The following PARP8 variants were observed in gnomAD, a reference collection of about 807,000 sequenced individuals.
PARP8 encodes protein mono-ADP-ribosyltransferase PARP8.
In PARP8, 51 loss-of-function variants were observed where a neutral mutation model predicts 124.1. That is an observed-to-expected ratio of 0.41 (90% CI 0.33 to 0.52). PARP8 has a LOEUF of 0.52. Ranked by LOEUF, PARP8 falls within the 20% of genes least tolerant of loss-of-function variation. The pLI is 0.21. For synonymous variants in PARP8, 391 were observed against 361.5 expected (o/e 1.08, Z -0.93); for missense variants, 860 against 1,018.9 (o/e 0.84, Z 2.12).
chr5:50,712,987 C>T (rs1030023224), intron 2 of PARP8, among the ~76,000 whole-genome samples: 1 of 151,304 alleles, frequency 6.6e-6, no homozygotes, highest in Admixed American at 6.6e-5. Flanking sequence ...AAAATTTATT[C>T]AGTGTTTCTG....
At chr5:50,808,375 A>G (rs1580412218) in intron 14 of PARP8, among the ~76,000 whole-genome samples, 3 of 152,136 alleles carry the variant, frequency 2.0e-5, no homozygotes, top group Admixed American at 6.6e-5. Flanking sequence ...GAGTAGAGGA[A>G]AAAGTTACGT....
At chr5:50,769,673 TTATATTATATAAAA>T (rs1761409465) in intron 7 of PARP8, among the ~76,000 whole-genome samples, 1 of 151,224 alleles carries the variant, frequency 6.6e-6, no homozygotes, top group African/African-American at 2.4e-5. Flanking sequence ...AAATTATGCA[TTATATTATATAAAA>T]TATAATGCAA....
rs1469826836 is a variant in PARP8, at chr5:50,830,663, G to GAAT, written c.2233+702_2233+703insAAT. ...TAAATATAAAATAATTATGCTCATT[G>GAAT]TATAAATTCAAGCTACACAGAATTT... On this transcript the variant is annotated intron_variant, in intron 22 of 25. Transcript: ENST00000281631. Among the ~76,000 whole-genome samples the GAAT allele has an allele frequency of 1.0e-3, 154 of 152,252 alleles. 2 individuals carry two copies. The highest frequency in any genetic ancestry group is 3.7e-3 in the African/African-American group (153 of 41,540).
At chr5:50,739,000 C>T (rs1757753605) in intron 2 of PARP8, 2 of 702,408 alleles carry the variant, frequency 2.8e-6, no homozygotes, top group African/African-American at 1.7e-5. Context: ...GACTGGCTTC[C>T]CAGTGGGTGT....
intron 2 of PARP8, among the ~76,000 whole-genome samples, chr5:50,682,448 A>G (rs1751396276): frequency 6.7e-6 from 1 of 148,666 alleles, no homozygotes; most frequent in Non-Finnish European, 1.5e-5. Context: ...TTTTCAGTTC[A>G]TGTGCTAATA....
Position 50,795,872 on chromosome 5 carries a change from T to G in PARP8, c.1428+455T>G, listed in dbSNP as rs1291712819. 3.3e-5 allele frequency among the ~76,000 whole-genome samples: 5 copies of G among 152,328 alleles called. No individual in the cohort carries two copies. In the East Asian group the frequency reaches 9.6e-4, roughly 29 times the overall value. ...TATAAGAGCACTCTGCCCATGCATG[T>G]TTTTACCTGTGGAGAGAGGCAACAT... On this transcript the variant is annotated intron_variant, in intron 12 of 25. Transcript: ENST00000281631.
intron 2 of PARP8, among the ~76,000 whole-genome samples, chr5:50,706,076 A>C (rs1240850847): frequency 6.6e-6 from 1 of 152,172 alleles, no homozygotes; most frequent in Non-Finnish European, 1.5e-5. Flanking sequence ...AATTGGTTCT[A>C]TCAAATTCTA....
intron 14 of PARP8, among the ~76,000 whole-genome samples, chr5:50,813,715 A>G (rs1035865584): frequency 1.3e-5 from 2 of 152,122 alleles, no homozygotes; most frequent in African/African-American, 4.8e-5. Context: ...TCAGTATGAT[A>G]CTTGCTGTGG....
At chr5:50,682,733 T>TTATGAG (rs1751429444) in intron 2 of PARP8, among the ~76,000 whole-genome samples, 1 of 151,596 alleles carries the variant, frequency 6.6e-6, no homozygotes, top group Admixed American at 6.6e-5. Flanking sequence ...AGTAGTATCC[T>TTATGAG]TATGAGTACT....
Position 50,795,326 on chromosome 5 carries a change from A to C in PARP8, c.1337A>C (p.Lys446Thr). ...AAGTCATCCAAAACTGAGCTTTTCA[A>C]GGAACCTAACGCAGAGGGCAGGAGG... ...APKSSKTELF[K>T]EPNAEGRRLS... The change falls in exon 12 of 26, where the codon AAG becomes ACG. Residue 446 changes from lysine to threonine, a missense_variant. Physicochemically the swap from Lys to Thr is moderately conservative, Grantham distance 78. Transcript: ENST00000281631. The C allele has an allele frequency of 1.9e-6, 3 of 1,614,172 alleles. No individual in the cohort carries two copies. Among genetic ancestry groups the C allele is most frequent in the Non-Finnish European group, 2.5e-6 (3 of 1,180,028 alleles).
chr5:50,805,267 A>G (rs1342017224), intron 14 of PARP8, among the ~76,000 whole-genome samples: 1 of 152,138 alleles, frequency 6.6e-6, no homozygotes, highest in Non-Finnish European at 1.5e-5. Flanking sequence ...TATGAAAATA[A>G]TGATTGAGCT....
intron 2 of PARP8, among the ~76,000 whole-genome samples, chr5:50,724,801 C>G (rs971328100): frequency 6.6e-6 from 1 of 151,820 alleles, no homozygotes; most frequent in South Asian, 2.1e-4. Flanking sequence ...CACCTGTCAC[C>G]TAGGTAGTGT....
At chr5:50,836,464 C>CT (rs1747594418) in intron 25 of PARP8, among the ~76,000 whole-genome samples, 1 of 152,160 alleles carries the variant, frequency 6.6e-6, no homozygotes, top group African/African-American at 2.4e-5. Context: ...TAACCTGGAT[C>CT]TATTAGCACC....
intron 15 of PARP8, among the ~76,000 whole-genome samples, chr5:50,816,838 CCTT>C (rs1026818291): frequency 7.8e-4 from 118 of 152,026 alleles, no homozygotes; most frequent in African/African-American, 2.7e-3. Flanking sequence ...TCTTTTCCAT[CCTT>C]CTTTTTTAAA....
At chr5:50,753,817 A>C (rs1330197008) in intron 3 of PARP8, among the ~76,000 whole-genome samples, 2 of 151,904 alleles carry the variant, frequency 1.3e-5, no homozygotes, top group Non-Finnish European at 2.9e-5. Flanking sequence ...GACTTGACTT[A>C]AATGGTGCTG....
At position 50,844,709 on chromosome 5, in the gene PARP8, T is replaced by C. The variant is rs1350764485; in HGVS notation, c.*2641T>C. 6.6e-6 allele frequency: 1 copy of C among 151,776 alleles called. No homozygotes were observed. Among genetic ancestry groups the C allele is most frequent in the East Asian group, 1.9e-4 (1 of 5,170 alleles). 9.4% of individuals were successfully genotyped at this position (151,776 alleles called of 1,614,324 possible). On this transcript the variant is annotated 3_prime_UTR_variant, in exon 26 of 26. Coordinates refer to ENST00000281631, the MANE Select transcript of PARP8 (RefSeq NM_024615.4). ...AAAGGCAGTCATTTATTTTCATCCT[T>C]GAAGTAGGGGAAGAAAATTATTAAT...
chr5:50,793,426 C>T (rs1443813439), intron 10 of PARP8, among the ~76,000 whole-genome samples: 1 of 152,130 alleles, frequency 6.6e-6, no homozygotes, highest in African/African-American at 2.4e-5. Context: ...AGACCTTTCC[C>T]AAATAAGAAC....
Position 50,795,125 on chromosome 5 carries a change from TA to T in PARP8, c.1139del (p.Lys380SerfsTer6). The stretch of plus-strand genomic sequence containing the variant: ...GTTAAGTCAGAGGAATGCCTAACTC[TA>T]AAGTCGCATAGACTATTGACTCGAT... ...AAVKSEECLT[L>X]KSHRLLTRSC... On this transcript the variant is annotated frameshift_variant, in exon 12 of 26. Transcript: ENST00000281631. LOFTEE classifies it high-confidence loss of function. 1.9e-6 allele frequency: 3 copies of T among 1,614,206 alleles called. No homozygotes were observed. Among genetic ancestry groups the T allele is most frequent in the Non-Finnish European group, 2.5e-6 (3 of 1,180,022 alleles).
rs182740575 is a variant in PARP8, at chr5:50,667,189, G to T, written c.91+3G>T. ...TGAGAAGGACTGCCTGTTTGCAGGT[G>T]AGTTCTTGCTTTTCCAGAACCTCGG... On this transcript the variant is annotated splice_donor_region_variant and intron_variant, in intron 1 of 25. Coordinates refer to ENST00000281631, the MANE Select transcript of PARP8 (RefSeq NM_024615.4). The T allele has an allele frequency of 8.8e-6, 14 of 1,596,372 alleles. No individual in the cohort carries two copies. The Admixed American group carries it at 2.2e-4, about 25-fold the overall frequency.
Sources: allele counts gnomAD v4.1 joint callset (sites outside exome capture counted in the v4.1 genomes callset), GRCh38; gene constraint gnomAD v4.1.1; transcripts MANE v1.5; gene names NCBI Gene and HGNC (gene_info 2026-07-23, HGNC 2026-07-21).